Variants in MAN1C1 observed in about 807,000 individuals in gnomAD.
MAN1C1 encodes the protein mannosyl-oligosaccharide 1,2-alpha-mannosidase IC.
MAN1C1 carries 49 observed loss-of-function variants against 71.5 expected under a neutral mutation model. The observed-to-expected ratio is 0.69, with a 90% CI of 0.54 to 0.87. The LOEUF (loss-of-function observed/expected upper bound fraction) is 0.87, where lower values mean the gene tolerates loss of function less well. Among genes scored for constraint, MAN1C1 ranks in the 40% least tolerant of loss-of-function variants. The pLI, the probability that MAN1C1 is intolerant of heterozygous loss-of-function variation, is 0.00. For synonymous variants in MAN1C1, 352 were observed against 343.7 expected (o/e 1.02, Z -0.27); for missense variants, 743 against 835.0 (o/e 0.89, Z 1.36).
chr1:25,751,603 C>T (rs1259717221), intron 4 of MAN1C1, among the ~76,000 whole-genome samples: 1 of 152,248 alleles, frequency 6.6e-6, no homozygotes, highest in Non-Finnish European at 1.5e-5. Flanking sequence ...TCAGTCAGTG[C>T]AGCCCCTGCC....
chr1:25,618,153 A>G lies in MAN1C1; in HGVS notation c.356A>G (p.Glu119Gly). The G allele has an allele frequency of 6.5e-7, 1 of 1,541,082 alleles. No individual in the cohort carries two copies. The change falls in exon 1 of 12, where the codon GAG becomes GGG. Residue 119 changes from glutamate (E) to glycine (G), a missense_variant. Transcript: ENST00000374332. ...LRRTRPTGPR[E>G]EATAARGNSI... Reference sequence around the variant, plus strand: ...CGCACCCGCCCCACTGGACCCCGCGAGGAGGCCACGGCGGCCCGGGGCAAT... The same window carrying G: ...CGCACCCGCCCCACTGGACCCCGCGGGGAGGCCACGGCGGCCCGGGGCAAT...
intron 1 of MAN1C1, among the ~76,000 whole-genome samples, chr1:25,659,407 A>G (rs2045814783): frequency 1.3e-5 from 2 of 152,220 alleles, no homozygotes; most frequent in Non-Finnish European, 2.9e-5. Context: ...TTCCTTATGT[A>G]AAAAGCACAG....
In MAN1C1 at chr1:25,769,039, C is replaced by A. The variant is rs1156890879; in HGVS notation, c.1142-2618C>A. Among the ~76,000 whole-genome samples, 2 of 148,726 alleles carry A rather than the reference C, an allele frequency of 1.3e-5. No individual in the cohort carries two copies. Among genetic ancestry groups the A allele is most frequent in the Admixed American group, 1.3e-4 (2 of 14,976 alleles). On this transcript the variant is annotated intron_variant, in intron 7 of 11. Coordinates refer to ENST00000374332, the MANE Select transcript of MAN1C1 (RefSeq NM_020379.4). This position sits in a 1 kb window ranked among gnomAD's most constrained non-coding sequence, Gnocchi z 4.8. ...TCAGGCACACACACTACACACCACC[C>A]ACACTCCCACACACACTACACACCA...
At chr1:25,692,144 G>A (rs1428474215) in intron 2 of MAN1C1, among the ~76,000 whole-genome samples, 1 of 152,198 alleles carries the variant, frequency 6.6e-6, no homozygotes, top group Non-Finnish European at 1.5e-5. Context: ...GAACTCTGGT[G>A]TCCTGAGTCT....
chr1:25,624,639 A>G (rs1557737863), intron 1 of MAN1C1, among the ~76,000 whole-genome samples: 2 of 152,234 alleles, frequency 1.3e-5, no homozygotes, highest in African/African-American at 4.8e-5. Context: ...TTGTGCTTTT[A>G]TCTGGCATCT....
intron 2 of MAN1C1, among the ~76,000 whole-genome samples, chr1:25,717,738 A>G (rs1222065389): frequency 6.6e-6 from 1 of 151,424 alleles, no homozygotes; most frequent in African/African-American, 2.4e-5. Flanking sequence ...CTAGTTTTGT[A>G]TTTTTAGTAG....
intron 1 of MAN1C1, among the ~76,000 whole-genome samples, chr1:25,636,815 C>A (rs1160685009): frequency 6.6e-6 from 1 of 152,142 alleles, no homozygotes; most frequent in African/African-American, 2.4e-5. Flanking sequence ...ATTTATGTTC[C>A]TCTGCTGTGG....
chr1:25,743,016 A>G (rs807267), intron 2 of MAN1C1, among the ~76,000 whole-genome samples: 16,025 of 152,178 alleles, frequency 0.11, 1,215 homozygotes, highest in African/African-American at 0.21. Context: ...CCAAGCATAT[A>G]GGTTGTATTT....
intron 1 of MAN1C1, among the ~76,000 whole-genome samples, chr1:25,618,913 C>T (rs897746033): frequency 6.6e-6 from 1 of 152,148 alleles, no homozygotes; most frequent in Non-Finnish European, 1.5e-5. Context: ...GCTTATTGAG[C>T]TTCAGAACAA....
chr1:25,741,277 G>A (rs1383588977), intron 2 of MAN1C1, among the ~76,000 whole-genome samples: 1 of 152,172 alleles, frequency 6.6e-6, no homozygotes, highest in Non-Finnish European at 1.5e-5. Context: ...ACTGTGCCTG[G>A]CCGATGGATT....
rs539257588 is a variant in MAN1C1 at position 25,746,572 on chromosome 1, G to A, written c.638-96G>A. 1.0e-4 allele frequency: 99 copies of A among 951,980 alleles called. No homozygotes were observed. Among genetic ancestry groups the A allele is most frequent in the South Asian group, 2.4e-4 (17 of 71,976 alleles). The allele number at this position is 951,980 out of a possible 1,614,324, so 59.0% of individuals were successfully genotyped here. ...GGCCAGCCTTTGCCACCAAGCCTGC[G>A]CTGGCATTGGAGGGGCCCTGAGAAC... On this transcript the variant is annotated intron_variant, in intron 2 of 11. Transcript: ENST00000374332. The surrounding 1 kb of genome is among the most constrained non-coding windows in gnomAD (Gnocchi z 4.0).
At chr1:25,783,606 T>A in intron 11 of MAN1C1, 57 bp from the exon 12 acceptor site, 1 of 1,590,274 alleles carries the variant, frequency 6.3e-7, no homozygotes, top group African/African-American at 1.3e-5. Flanking sequence ...GGCCCACCCT[T>A]CTTCCCCAGG....
At chr1:25,771,591 G>A (rs900884813) in intron 7 of MAN1C1, 66 bp from the exon 8 acceptor site, 30 of 1,265,880 alleles carry the variant, frequency 2.4e-5, no homozygotes, top group African/African-American at 7.4e-5. Context: ...GCGGGTGTGC[G>A]AGGCCCTGCC....
intron 1 of MAN1C1, among the ~76,000 whole-genome samples, chr1:25,627,359 C>G (rs542907612): frequency 2.5e-4 from 38 of 152,136 alleles, no homozygotes; most frequent in Non-Finnish European, 2.1e-4. Flanking sequence ...TCAGCTCACT[C>G]CACCTCCCAG....
At chr1:25,698,131 C>G (rs910494064) in intron 2 of MAN1C1, among the ~76,000 whole-genome samples, 2 of 152,230 alleles carry the variant, frequency 1.3e-5, no homozygotes, top group South Asian at 4.1e-4. Flanking sequence ...CTTCCTTCAT[C>G]CTCTTCTCTT....
chr1:25,728,707 G>A (rs1299517295), intron 2 of MAN1C1, among the ~76,000 whole-genome samples: 2 of 152,158 alleles, frequency 1.3e-5, no homozygotes, highest in Admixed American at 6.5e-5. Flanking sequence ...GGTGTATGGA[G>A]CCTATGCCCA....
chr1:25,628,482 A>G (rs1377999569), intron 1 of MAN1C1, among the ~76,000 whole-genome samples: 1 of 151,906 alleles, frequency 6.6e-6, no homozygotes, highest in African/African-American at 2.4e-5. Context: ...TAATTTTTGT[A>G]TTTTTAATAG....
At chr1:25,698,823 T>A (rs1044174738) in intron 2 of MAN1C1, among the ~76,000 whole-genome samples, 6 of 151,660 alleles carry the variant, frequency 4.0e-5, no homozygotes, top group Non-Finnish European at 8.8e-5. Flanking sequence ...GTGGCATGCA[T>A]CTGTAACCCC....
chr1:25,674,022 C>T (rs902370817), intron 1 of MAN1C1, among the ~76,000 whole-genome samples: 1 of 152,212 alleles, frequency 6.6e-6, no homozygotes, highest in Non-Finnish European at 1.5e-5. Flanking sequence ...GTCTTCCTGC[C>T]CCCACCTAAC....
Sources: gnomAD v4.1 joint callset for allele counts (sites outside exome capture counted in the v4.1 genomes callset) on GRCh38, gnomAD v4.1.1 for gene constraint, Gnocchi (gnomAD v3.1) non-coding constraint, MANE v1.5 for transcripts, NCBI Gene and HGNC (gene_info 2026-07-23, HGNC 2026-07-21) for gene names.